BRINP1: variants seen among roughly 807,000 people sequenced by gnomAD.
BRINP1 encodes the protein BMP/retinoic acid-inducible neural-specific protein 1.
A neutral mutation model predicts 72.9 loss-of-function variants in BRINP1; 17 were observed. The ratio of observed to expected loss-of-function variants is 0.23; its 90% CI spans 0.16 to 0.35. The LOEUF is 0.35. Among genes scored for constraint, BRINP1 ranks in the 10% least tolerant of loss-of-function variants. The probability of loss-of-function intolerance (pLI) is 1.00; values close to 1 mark genes in which losing one functional copy is unlikely to be tolerated. For synonymous variants in BRINP1, 418 were observed against 378.5 expected, an observed-to-expected ratio of 1.10 and a Z score of -1.21; for missense variants, 850 against 1,001.6, an observed-to-expected ratio of 0.85 and a Z score of 2.04.
chr9:119,272,575 C>A (rs765276), intron 2 of BRINP1, among the ~76,000 whole-genome samples: 101,412 of 152,008 alleles, frequency 0.67, 34,437 homozygotes, highest in East Asian at 0.9. Context: ...AGCTAGCTCC[C>A]AAGAGAAGAA....
intron 2 of BRINP1, among the ~76,000 whole-genome samples, chr9:119,309,806 G>T (rs1032616939): frequency 5.3e-5 from 8 of 152,108 alleles, no homozygotes; most frequent in African/African-American, 1.9e-4. Flanking sequence ...GGAGGAGGGG[G>T]CGTGGGTTAT....
chr9:119,211,783 G>C (rs538536849), intron 6 of BRINP1, among the ~76,000 whole-genome samples: 24 of 152,316 alleles, frequency 1.6e-4, no homozygotes, highest in African/African-American at 5.5e-4. Context: ...ATTTCAAATA[G>C]AGAAGCACAG....
chr9:119,242,955 T>C (rs1830271404), intron 3 of BRINP1, among the ~76,000 whole-genome samples: 1 of 149,590 alleles, frequency 6.7e-6, no homozygotes, highest in Admixed American at 6.7e-5. Context: ...ATCAACTATG[T>C]GAACAAGGGC....
intron 7 of BRINP1, among the ~76,000 whole-genome samples, chr9:119,180,831 T>C (rs1829548653): frequency 6.6e-6 from 1 of 152,218 alleles, no homozygotes; most frequent in African/African-American, 2.4e-5. Context: ...TCCCTTGTCA[T>C]GCTGAAACTA....
At chr9:119,351,382 G>A (rs535200602) in intron 1 of BRINP1, among the ~76,000 whole-genome samples, 1 of 151,942 alleles carries the variant, frequency 6.6e-6, no homozygotes, top group Admixed American at 6.6e-5. Context: ...CATTGGATCT[G>A]AGGTCCTGTA....
At chr9:119,247,126 C>T (rs192037558) in intron 3 of BRINP1, among the ~76,000 whole-genome samples, 44 of 152,152 alleles carry the variant, frequency 2.9e-4, no homozygotes, top group Non-Finnish European at 5.4e-4. Flanking sequence ...GCCTTTTTTA[C>T]CCCCAAGTGA....
intron 1 of BRINP1, among the ~76,000 whole-genome samples, chr9:119,360,454 G>A (rs929350748): frequency 1.3e-5 from 2 of 152,154 alleles, no homozygotes; most frequent in African/African-American, 2.4e-5. Flanking sequence ...GGAAACGTAC[G>A]TACTTACGGA....
At chr9:119,250,377 A>C (rs1389389797) in intron 2 of BRINP1, among the ~76,000 whole-genome samples, 1 of 152,156 alleles carries the variant, frequency 6.6e-6, no homozygotes, top group Non-Finnish European at 1.5e-5. Context: ...ATAACAGAGG[A>C]TCTCACAACC....
chr9:119,225,330 T>G (rs2118889626), intron 5 of BRINP1, among the ~76,000 whole-genome samples: 1 of 152,122 alleles, frequency 6.6e-6, no homozygotes, highest in South Asian at 2.1e-4. Context: ...AGTTATCCCT[T>G]GGTATCTGCA....
chr9:119,199,036 C>G (rs941422403), intron 7 of BRINP1, among the ~76,000 whole-genome samples: 1 of 152,128 alleles, frequency 6.6e-6, no homozygotes, highest in African/African-American at 2.4e-5. Flanking sequence ...TCCCATATAT[C>G]ATATGAATTG....
intron 1 of BRINP1, among the ~76,000 whole-genome samples, chr9:119,364,206 C>T (rs569953480): frequency 6.6e-6 from 1 of 151,948 alleles, no homozygotes; most frequent in East Asian, 1.9e-4. Flanking sequence ...TCATAATATT[C>T]GAAGAACTGA....
chr9:119,365,922 C>A (rs1423787173), intron 1 of BRINP1, among the ~76,000 whole-genome samples: 1 of 152,082 alleles, frequency 6.6e-6, no homozygotes, highest in Non-Finnish European at 1.5e-5. Context: ...GGGCCTAAAA[C>A]CCCCATGTTT....
At chr9:119,185,899 G>A (rs1238753920) in intron 7 of BRINP1, among the ~76,000 whole-genome samples, 1 of 152,206 alleles carries the variant, frequency 6.6e-6, no homozygotes, top group African/African-American at 2.4e-5. Context: ...AGCCCTGCTA[G>A]AGTGTGTTTT....
At chr9:119,283,240 T>TCAGCTG in intron 2 of BRINP1, 69 of 940,828 alleles carry the variant, frequency 7.3e-5, no homozygotes, top group Non-Finnish European at 8.7e-5. Context: ...GAACTGCAGC[T>TCAGCTG]TCAGCTGCCT....
intron 1 of BRINP1, among the ~76,000 whole-genome samples, chr9:119,338,668 C>G (rs1349607077): frequency 6.9e-6 from 1 of 144,284 alleles, no homozygotes; most frequent in Non-Finnish European, 1.5e-5. Flanking sequence ...GTCAGAAGAT[C>G]GAGACCATCC....
At chr9:119,343,982 C>T (rs933656389) in intron 1 of BRINP1, among the ~76,000 whole-genome samples, 2 of 152,150 alleles carry the variant, frequency 1.3e-5, no homozygotes, top group Admixed American at 1.3e-4. Context: ...CAATCGCTTC[C>T]CCATCCTCAA....
chr9:119,179,248 A>G (rs934023224), intron 7 of BRINP1, among the ~76,000 whole-genome samples: 1 of 152,192 alleles, frequency 6.6e-6, no homozygotes, highest in African/African-American at 2.4e-5. Flanking sequence ...TAAGGATCCA[A>G]AGCATCTTCC....
rs1831208228 is a variant in BRINP1 at position 119,323,315 on chromosome 9, G to A, written c.-50-9910C>T. Among the ~76,000 whole-genome samples the A allele has an allele frequency of 2.6e-5, 4 of 152,332 alleles. No homozygotes were observed. The South Asian group carries it at 6.2e-4, about 24-fold the overall frequency. On this transcript the variant is annotated intron_variant, in intron 1 of 7. Transcript: ENST00000265922. ...AGAGAAATCTAAAGAGAGGCAGGCT[G>A]AAACCCAGCAGCAGAGCAGGGGCTG...
rs549451192 is a variant in BRINP1, at chr9:119,354,703, A to G, written c.-51+14353T>C. On this transcript the variant is annotated intron_variant, in intron 1 of 7. Transcript: ENST00000265922. ...AGCAAGAACCCCGTCTCTAAAAAAAAAAAATAAAAATAAAAACTTGCCAGG... is the reference window on the plus strand; with the variant it reads ...AGCAAGAACCCCGTCTCTAAAAAAAGAAAATAAAAATAAAAACTTGCCAGG... Among the ~76,000 whole-genome samples the G allele has an allele frequency of 9.8e-3, 1,486 of 152,210 alleles. 23 individuals carry two copies. The highest frequency in any genetic ancestry group is 0.033 in the African/African-American group (1,361 of 41,532).
Sources: gnomAD v4.1 joint callset for allele counts (sites outside exome capture counted in the v4.1 genomes callset) on GRCh38, gnomAD v4.1.1 for gene constraint, MANE v1.5 for transcripts, NCBI Gene and HGNC (gene_info 2026-07-23, HGNC 2026-07-21) for gene names.